CXCR3: variants seen among roughly 807,000 people sequenced by gnomAD.
CXCR3 encodes the protein C-X-C motif chemokine receptor 3, also known as C-X-C chemokine receptor type 3.
For synonymous variants in CXCR3, 136 were observed against 148.0 expected, an observed-to-expected ratio of 0.92 and a Z score of 0.59; for missense variants, 239 against 310.2, an observed-to-expected ratio of 0.77 and a Z score of 1.72.
In CXCR3 at chrX:71,616,209, G is replaced by C. The variant is rs2040844591; in HGVS notation, c.*156C>G. ...CAGCAATGGTGCAGTCCTCAGAGCT[G>C]GGAGGGTGGCTTCCCGGGAGACCTG... On this transcript the variant is annotated 3_prime_UTR_variant, in exon 2 of 2. Transcript: ENST00000373693. 1 of 772,424 alleles carries C rather than the reference G, an allele frequency of 1.3e-6. No homozygotes were observed. Among genetic ancestry groups the C allele is most frequent in the Non-Finnish European group, 1.8e-6 (1 of 558,519 alleles). The allele number at this position is 772,424 out of a possible 1,213,427, so 63.7% of individuals were successfully genotyped here. A position where few individuals can be genotyped will look rare whatever the true frequency, so the allele number is the denominator to read the frequency against.
At position 71,616,279 on chromosome X, in the gene CXCR3, G is replaced by A; in HGVS notation, c.*86C>T. ...TGAGTCCCGGGAGCGAGGATATTGG[G>A]GAGAGCCAGAGCCGGCAGAGGGAGG... On this transcript the variant is annotated 3_prime_UTR_variant, in exon 2 of 2. Transcript: ENST00000373693. The A allele has an allele frequency of 1.8e-6, 2 of 1,094,232 alleles. No individual in the cohort carries two copies. The highest frequency in any genetic ancestry group is 2.4e-6 in the Non-Finnish European group (2 of 833,718). The allele number at this position is 1,094,232 out of a possible 1,213,427, so 90.2% of individuals were successfully genotyped here. A position where few individuals can be genotyped will look rare whatever the true frequency, so the allele number is the denominator to read the frequency against.
Position 71,616,880 on chromosome X carries a change from G to A in CXCR3, c.592C>T (p.Leu198Phe). 1 of 1,208,258 alleles carries A rather than the reference G, an allele frequency of 8.3e-7. No individual in the cohort carries two copies. Among genetic ancestry groups the A allele is most frequent in the Non-Finnish European group, 1.1e-6 (1 of 893,198 alleles). ...IFLSAHHDER[L>F]NATHCQYNFP... ...TTGTATTGGCAGTGGGTGGCGTTGA[G>A]GCGCTCGTCGTGGTGGGCCGACAGG... is the stretch of plus-strand genomic sequence containing the variant. The change falls in exon 2 of 2, where the codon CTC becomes TTC. Residue 198 changes from leucine to phenylalanine, a missense_variant. Leu to Phe is a conservative substitution (Grantham distance 22, BLOSUM62 0). Coordinates refer to ENST00000373693, the MANE Select transcript of CXCR3 (RefSeq NM_001504.2).
At position 71,617,085 on chromosome X, in the gene CXCR3, G is replaced by A. The variant is rs1602191075; in HGVS notation, c.387C>T (p.Ala129=). The A allele has an allele frequency of 1.2e-5, 14 of 1,195,482 alleles. No individual in the cohort carries two copies. The African/African-American group carries it at 1.4e-4, about 12-fold the overall frequency. ...CTGCGTAGAAGTTGATGTTGAAGAGGGCACCTGCCACTTTGCAGAGGCCAG... is the reference window on the plus strand; with the variant it reads ...CTGCGTAGAAGTTGATGTTGAAGAGAGCACCTGCCACTTTGCAGAGGCCAG... The part of the protein sequence containing the change: ...FGSGLCKVAG[A]LFNINFYAGA... Residue 129 remains alanine (A), a synonymous_variant, in exon 2 of 2, where the codon GCC becomes GCT. Transcript: ENST00000373693.
chrX:71,618,060 C>T (rs984497874), intron 1 of CXCR3, among the ~76,000 whole-genome samples: 4 of 106,194 alleles, frequency 3.8e-5, no homozygotes, highest in African/African-American at 1.4e-4. Context: ...CCCCACTTAG[C>T]TTGAGAAGGA....
Position 71,616,619 on chromosome X carries a change from C to T in CXCR3, c.853G>A (p.Ala285Thr), listed in dbSNP as rs1015033758. ...VLVDILMDLG[A>T]LARNCGRESR... Reference sequence around the variant, plus strand: ...TCTCGGCCACAGTTGCGGGCCAAAGCGCCCAGGTCCATGAGGATGTCCACC... The same window carrying T: ...TCTCGGCCACAGTTGCGGGCCAAAGTGCCCAGGTCCATGAGGATGTCCACC... Residue 285 changes from alanine (A) to threonine (T), a missense_variant, in exon 2 of 2, where the codon GCT becomes ACT. Transcript: ENST00000373693. 2 of 1,210,615 alleles carry T rather than the reference C, an allele frequency of 1.7e-6. No homozygotes were observed. Among genetic ancestry groups the T allele is most frequent in the African/African-American group, 3.5e-5 (2 of 57,360 alleles).
chrX:71,616,655 G>T lies in CXCR3; in HGVS notation c.817C>A (p.Leu273Met). 8.3e-7 allele frequency: 1 copy of T among 1,211,798 alleles called. No homozygotes were observed. Among genetic ancestry groups the T allele is most frequent in the Middle Eastern group, 2.3e-4 (1 of 4,353 alleles). Reference protein sequence around the residue: ...AFALCWTPYHLVVLVDILMDL... With the variant: ...AFALCWTPYHMVVLVDILMDL... ...ATGAGGATGTCCACCAGCACCACCA[G>T]GTGATAGGGGGTCCAGCAGAGGGCA... Residue 273 changes from leucine to methionine, a missense_variant, in exon 2 of 2, where the codon CTG (leucine) becomes ATG (methionine). Physicochemically the swap from Leu to Met is conservative, Grantham distance 15. Coordinates refer to ENST00000373693, the MANE Select transcript of CXCR3 (RefSeq NM_001504.2).
At chrX:71,617,818 A>G (rs1479462096) in intron 1 of CXCR3, 5 of 534,752 alleles carry the variant, frequency 9.4e-6, no homozygotes, top group Non-Finnish European at 1.4e-5. Context: ...CACCCCCAAC[A>G]CATAGTTCAA....
Position 71,616,838 on chromosome X carries a change from G to A in CXCR3, c.634C>T (p.Arg212Cys), listed in dbSNP as rs753318842. 2 of 1,210,302 alleles carry A rather than the reference G, an allele frequency of 1.7e-6. No individual in the cohort carries two copies. Among genetic ancestry groups the A allele is most frequent in the Non-Finnish European group, 2.2e-6 (2 of 894,973 alleles). ...AGCTGCAGCACCCGCAGAGCCGTGC[G>A]GCCCACCTGTGGGAAGTTGTATTGG... Reference protein sequence around the residue: ...HCQYNFPQVGRTALRVLQLVA... With the variant: ...HCQYNFPQVGCTALRVLQLVA... The change falls in exon 2 of 2, where the codon CGC (arginine) becomes TGC (cysteine). Residue 212 changes from arginine to cysteine, a missense_variant. Coordinates refer to ENST00000373693, the MANE Select transcript of CXCR3 (RefSeq NM_001504.2).
chrX:71,617,153 G>T lies in CXCR3; in HGVS notation c.319C>A (p.Pro107Thr). The T allele has an allele frequency of 8.3e-7, 1 of 1,208,146 alleles. No individual in the cohort carries two copies. Among genetic ancestry groups the T allele is most frequent in the Non-Finnish European group, 1.1e-6 (1 of 893,566 alleles). The part of the protein sequence containing the change: ...VADTLLVLTL[P>T]LWAVDAAVQW... ...ACGGCAGCGTCCACTGCCCAGAGCG[G>T]CAGTGTCAGCACCAGCAGCGTGTCT... The change falls in exon 2 of 2, where the codon CCG becomes ACG. Residue 107 changes from proline to threonine, a missense_variant. Coordinates refer to ENST00000373693, the MANE Select transcript of CXCR3 (RefSeq NM_001504.2).
rs34334103 is a variant in CXCR3, at chrX:71,618,225, C to T, written c.12+213G>A. Reference sequence around the variant, plus strand: ...CCCCCCCATTTTGCAGACGAGACACCGAAGCCAGAGAGGAGAGGAGAGGCA... The same window carrying T: ...CCCCCCCATTTTGCAGACGAGACACTGAAGCCAGAGAGGAGAGGAGAGGCA... On this transcript the variant is annotated intron_variant, in intron 1 of 1. Coordinates refer to ENST00000373693, the MANE Select transcript of CXCR3 (RefSeq NM_001504.2). The T allele has an allele frequency of 1.0e-2, 1,414 of 141,763 alleles. 83 individuals carry two copies. The highest frequency in any genetic ancestry group is 0.095 in the East Asian group (317 of 3,333). The allele number at this position is 141,763 out of a possible 1,213,427, so 11.7% of individuals were successfully genotyped here.
At position 71,618,387 on chromosome X, in the gene CXCR3, G is replaced by A. The variant is rs765309047; in HGVS notation, c.12+51C>T. 5.1e-5 allele frequency: 62 copies of A among 1,209,746 alleles called. No homozygotes were observed. The East Asian group carries it at 1.3e-3, about 26-fold the overall frequency. ...AGCCCTGGCATTCCCCTGATGCCCCGGGTTTTCCACTTCGAATTCTGGCCT... is the reference window on the plus strand; with the variant it reads ...AGCCCTGGCATTCCCCTGATGCCCCAGGTTTTCCACTTCGAATTCTGGCCT... On this transcript the variant is annotated intron_variant, in intron 1 of 1. Transcript: ENST00000373693.
intron 1 of CXCR3, chrX:71,617,712 G>A (rs1442080934): frequency 3.4e-5 from 37 of 1,083,734 alleles, no homozygotes; most frequent in Non-Finnish European, 4.2e-5. Flanking sequence ...CCCTGGGCAG[G>A]AAGAAGAGCG....
Sources: gnomAD v4.1 joint callset for allele counts (sites outside exome capture counted in the v4.1 genomes callset) on GRCh38, gnomAD v4.1.1 for gene constraint, MANE v1.5 for transcripts, NCBI Gene and HGNC (gene_info 2026-07-23, HGNC 2026-07-21) for gene names.